The following ANKS1B variants were observed in gnomAD, a reference collection of about 807,000 sequenced individuals.
ANKS1B encodes the protein ankyrin repeat and sterile alpha motif domain-containing protein 1B.
ANKS1B carries 36 observed loss-of-function variants against 148.3 expected under a neutral mutation model. That is an observed-to-expected ratio of 0.24 (90% CI 0.19 to 0.32). ANKS1B has a LOEUF of 0.32. Ranked by LOEUF, ANKS1B falls within the 10% of genes least tolerant of loss-of-function variation. The pLI is 1.00. For missense variants in ANKS1B, 1,157 were observed against 1,542.6 expected (o/e 0.75, Z 4.19); for synonymous variants, 542 against 560.8 (o/e 0.97, Z 0.47).
chr12:99,935,046 ATAAAT>A lies in ANKS1B; in HGVS notation c.134+49053_134+49057del, dbSNP rs201376673. Among the ~76,000 whole-genome samples the A allele has an allele frequency of 7.8e-3, 1,043 of 134,134 alleles. 7 individuals are homozygous for A. The highest frequency in any genetic ancestry group is 0.027 in the African/African-American group (992 of 36,916). 88.0% of individuals were successfully genotyped at this position (134,134 alleles called of 152,430 possible). On this transcript the variant is annotated intron_variant, in intron 1 of 26. Transcript: ENST00000683438. ...TATACAGTCCTTTCTATTCCGATAA[ATAAAT>A]TAAAAAGCATAAACCATATATAAAA...
At chr12:99,080,036 C>T (rs983059652) in intron 16 of ANKS1B, 1 of 152,412 alleles carries the variant, frequency 6.6e-6, no homozygotes, top group Non-Finnish European at 1.5e-5. Flanking sequence ...CTGCCAATCA[C>T]TAACCAACCG....
chr12:99,193,983 G>T (rs1481034540), intron 14 of ANKS1B, among the ~76,000 whole-genome samples: 1 of 151,530 alleles, frequency 6.6e-6, no homozygotes, highest in Non-Finnish European at 1.5e-5. Context: ...TGTATTTTTA[G>T]TAGAGATGGG....
intron 8 of ANKS1B, among the ~76,000 whole-genome samples, chr12:99,676,860 T>C (rs1396956733): frequency 6.6e-6 from 1 of 152,274 alleles, no homozygotes; most frequent in Non-Finnish European, 1.5e-5. Flanking sequence ...CCTAAGACTA[T>C]TGTTCTATAA....
chr12:99,172,022 C>T (rs2077823385), intron 14 of ANKS1B, among the ~76,000 whole-genome samples: 1 of 152,080 alleles, frequency 6.6e-6, no homozygotes, highest in Non-Finnish European at 1.5e-5. Flanking sequence ...CTTAACTTGG[C>T]TTGGATAGAG....
chr12:98,751,567 T>C lies in ANKS1B; in HGVS notation c.3580-45A>G. 1 of 1,591,666 alleles carries C rather than the reference T, an allele frequency of 6.3e-7. No individual in the cohort carries two copies. Among genetic ancestry groups the C allele is most frequent in the African/African-American group, 1.3e-5 (1 of 74,466 alleles). On this transcript the variant is annotated intron_variant, in intron 25 of 26. Transcript: ENST00000683438. The surrounding 1 kb of genome is among the most constrained non-coding windows in gnomAD (Gnocchi z 4.3). ...GCATTTGCTACTGGCACACTGCAAA[T>C]TAGAATGGGTCGAATGGCTGAGGAA... is the stretch of plus-strand genomic sequence containing the variant.
chr12:99,610,498 C>A (rs1051078603), intron 9 of ANKS1B, among the ~76,000 whole-genome samples: 9 of 152,062 alleles, frequency 5.9e-5, no homozygotes, highest in Non-Finnish European at 1.3e-4. Context: ...GGTTTTATAT[C>A]TGGCTTTTGG....
intron 16 of ANKS1B, among the ~76,000 whole-genome samples, chr12:99,080,130 C>G (rs1343105292): frequency 6.6e-6 from 1 of 152,212 alleles, no homozygotes; most frequent in Non-Finnish European, 1.5e-5. Context: ...GGATTCCTGC[C>G]TCCTTGCTTG....
At chr12:99,444,306 T>C (rs755821758) in intron 10 of ANKS1B, among the ~76,000 whole-genome samples, 14 of 151,966 alleles carry the variant, frequency 9.2e-5, no homozygotes, top group Non-Finnish European at 1.9e-4. Flanking sequence ...AAAAGCACCC[T>C]AGTGAATGAA....
chr12:99,669,220 G>C (rs2098524834), intron 8 of ANKS1B, among the ~76,000 whole-genome samples: 1 of 151,980 alleles, frequency 6.6e-6, no homozygotes, highest in African/African-American at 2.4e-5. Flanking sequence ...ACCTAGGCTG[G>C]AGTGCAGTCA....
chr12:99,732,739 T>C (rs1441552949), intron 8 of ANKS1B, among the ~76,000 whole-genome samples: 1 of 152,284 alleles, frequency 6.6e-6, no homozygotes, highest in East Asian at 1.9e-4. Context: ...GTAAATTATA[T>C]CTCTAATTTT....
At chr12:99,550,471 C>T (rs2153164009) in intron 9 of ANKS1B, among the ~76,000 whole-genome samples, 1 of 152,044 alleles carries the variant, frequency 6.6e-6, no homozygotes, top group South Asian at 2.1e-4. Context: ...TAAAAATATA[C>T]AAGTTAGCTG....
At chr12:99,110,150 T>G (rs2060006433) in intron 15 of ANKS1B, among the ~76,000 whole-genome samples, 1 of 152,176 alleles carries the variant, frequency 6.6e-6, no homozygotes, top group Non-Finnish European at 1.5e-5. Flanking sequence ...AGTTCTCTGA[T>G]AGCAAAGCTG....
chr12:99,425,641 G>A (rs1375076809), intron 11 of ANKS1B, among the ~76,000 whole-genome samples: 1 of 151,852 alleles, frequency 6.6e-6, no homozygotes, highest in Admixed American at 6.5e-5. Flanking sequence ...CTTAGGTTAT[G>A]TTATAACTTT....
At chr12:99,612,612 A>G (rs548523680) in intron 9 of ANKS1B, among the ~76,000 whole-genome samples, 35 of 152,216 alleles carry the variant, frequency 2.3e-4, no homozygotes, top group African/African-American at 8.2e-4. Flanking sequence ...TTCTTGCATT[A>G]CCTCATTTCA....
chr12:99,317,809 A>G (rs918319745), intron 12 of ANKS1B, among the ~76,000 whole-genome samples: 2 of 152,150 alleles, frequency 1.3e-5, no homozygotes, highest in African/African-American at 4.8e-5. Flanking sequence ...GTTTGTCATA[A>G]ATAGCTCTTA....
At chr12:98,740,953 A>C (rs1264739981), downstream of ANKS1B, among the ~76,000 whole-genome samples, 1 of 152,190 alleles carries the variant, frequency 6.6e-6, no homozygotes, top group Non-Finnish European at 1.5e-5. Flanking sequence ...CAATGAGGCA[A>C]TCTTGAGGCT....
At chr12:99,717,628 C>T (rs558713940) in intron 8 of ANKS1B, among the ~76,000 whole-genome samples, 1 of 152,324 alleles carries the variant, frequency 6.6e-6, no homozygotes, top group East Asian at 1.9e-4. Context: ...CTGACTGACT[C>T]CTTCCCAGAT....
chr12:98,914,841 A>C (rs4762526), intron 17 of ANKS1B, among the ~76,000 whole-genome samples: 17,056 of 152,070 alleles, frequency 0.11, 1,134 homozygotes, highest in East Asian at 0.2. Context: ...ACTCTATTTG[A>C]AATAGACTTC....
rs550176439 is a variant in ANKS1B, at chr12:99,400,355, T to C, written c.1576-544A>G. Among the ~76,000 whole-genome samples, 9 of 146,274 alleles carry C rather than the reference T, an allele frequency of 6.2e-5. 1 individual carries two copies. The highest frequency in any genetic ancestry group is 1.2e-4 in the Non-Finnish European group (8 of 66,154). On this transcript the variant is annotated intron_variant, in intron 11 of 26. Coordinates refer to ENST00000683438, the MANE Select transcript of ANKS1B (RefSeq NM_001352186.2). ...AAATAAAGTTATATGGAACATTTTC[T>C]AAGATCTAAGAATATGCTTGGTATT...
Sources: allele counts gnomAD v4.1 joint callset (sites outside exome capture counted in the v4.1 genomes callset), GRCh38; gene constraint gnomAD v4.1.1; non-coding constraint Gnocchi (gnomAD v3.1); transcripts MANE v1.5; gene names NCBI Gene and HGNC (gene_info 2026-07-23, HGNC 2026-07-21).